GYPC: variants seen among roughly 807,000 people sequenced by gnomAD.
GYPC encodes glycophorin-C.
GYPC carries 14 observed loss-of-function variants against 12.6 expected under a neutral mutation model. The ratio of observed to expected loss-of-function variants is 1.11; its 90% confidence interval spans 0.74 to 1.74. GYPC has a LOEUF of 1.74. Among genes scored for constraint, GYPC ranks in the 40% most tolerant of loss-of-function variants. The pLI is 0.00. For missense variants in GYPC, 225 were observed against 172.1 expected (o/e 1.31, Z -1.72); for synonymous variants, 78 against 62.1 (o/e 1.26, Z -1.20).
At chr2:126,656,971 G>A (rs988170033) in intron 1 of GYPC, among the ~76,000 whole-genome samples, 1 of 152,162 alleles carries the variant, frequency 6.6e-6, no homozygotes, top group African/African-American at 2.4e-5. Flanking sequence ...TTCCTCTGCC[G>A]TTGGACTTTT....
chr2:126,687,691 A>G (rs1683330177), intron 1 of GYPC, among the ~76,000 whole-genome samples: 1 of 152,230 alleles, frequency 6.6e-6, no homozygotes, highest in Non-Finnish European at 1.5e-5. Context: ...AGAGGGCATG[A>G]GCTTGGAGGG....
chr2:126,660,353 G>A (rs552437793), intron 1 of GYPC, among the ~76,000 whole-genome samples: 3 of 152,300 alleles, frequency 2.0e-5, no homozygotes, highest in East Asian at 1.9e-4. Flanking sequence ...GGTGGCCCTC[G>A]AGCCCTCCCT....
chr2:126,660,453 C>G (rs1180876522), intron 1 of GYPC, among the ~76,000 whole-genome samples: 1 of 152,238 alleles, frequency 6.6e-6, no homozygotes, highest in Non-Finnish European at 1.5e-5. Flanking sequence ...GCCTGGCACA[C>G]ACTCACCTGC....
intron 1 of GYPC, among the ~76,000 whole-genome samples, chr2:126,668,695 C>T (rs1322345024): frequency 6.6e-6 from 1 of 152,222 alleles, no homozygotes; most frequent in Non-Finnish European, 1.5e-5. Flanking sequence ...AATTCATCCG[C>T]AAGCAATTAC....
intron 1 of GYPC, among the ~76,000 whole-genome samples, chr2:126,668,203 T>G (rs1057234214): frequency 1.3e-5 from 2 of 152,224 alleles, no homozygotes; most frequent in Non-Finnish European, 2.9e-5. Context: ...GTTTTTGACT[T>G]TTTTTGCAGC....
At chr2:126,667,242 G>T (rs1682708616) in intron 1 of GYPC, among the ~76,000 whole-genome samples, 1 of 152,150 alleles carries the variant, frequency 6.6e-6, no homozygotes, top group Non-Finnish European at 1.5e-5. Flanking sequence ...TCAGCACTAA[G>T]TCTCCCATAC....
chr2:126,671,647 C>T (rs1682859502), intron 1 of GYPC, among the ~76,000 whole-genome samples: 1 of 152,258 alleles, frequency 6.6e-6, no homozygotes, highest in African/African-American at 2.4e-5. Context: ...CCCTAGCACA[C>T]ACGTGGCCTG....
intron 1 of GYPC, among the ~76,000 whole-genome samples, chr2:126,681,208 G>C (rs1683141310): frequency 6.6e-6 from 1 of 152,114 alleles, no homozygotes; most frequent in African/African-American, 2.4e-5. Flanking sequence ...TTGTTTTAAG[G>C]TTTTTGTGGA....
intron 1 of GYPC, chr2:126,686,129 C>T: frequency 1.0e-6 from 1 of 985,386 alleles, no homozygotes; most frequent in Non-Finnish European, 1.2e-6. Context: ...AACTTTTTAG[C>T]ACAGTGTCAT....
At chr2:126,686,596 G>C (rs1683297568) in intron 1 of GYPC, 2 of 979,846 alleles carry the variant, frequency 2.0e-6, no homozygotes, top group Admixed American at 6.1e-5. Flanking sequence ...CTAATGCTGA[G>C]TATAGAGTTG....
chr2:126,681,564 T>G (rs1221216445), intron 1 of GYPC, among the ~76,000 whole-genome samples: 1 of 152,148 alleles, frequency 6.6e-6, no homozygotes, highest in African/African-American at 2.4e-5. Flanking sequence ...TTGAAGGTAC[T>G]TGTTTCTAGG....
intron 1 of GYPC, 115 bp from the exon 2 acceptor site, chr2:126,690,140 T>G (rs1558891691): frequency 6.3e-6 from 5 of 798,936 alleles, no homozygotes; most frequent in South Asian, 1.4e-5. Flanking sequence ...TCTGTCCACT[T>G]GAACCCATTC....
At chr2:126,668,797 G>C (rs1341312750) in intron 1 of GYPC, among the ~76,000 whole-genome samples, 1 of 152,190 alleles carries the variant, frequency 6.6e-6, no homozygotes, top group African/African-American at 2.4e-5. Flanking sequence ...GAATTGAGAG[G>C]GGACAAAGGT....
chr2:126,666,246 G>A (rs796257703), intron 1 of GYPC, among the ~76,000 whole-genome samples: 22 of 152,276 alleles, frequency 1.4e-4, no homozygotes, highest in African/African-American at 5.3e-4. Context: ...CACTACAGGG[G>A]CACTGGGAGA....
At chr2:126,692,020 A>G (rs756400629) in intron 2 of GYPC, among the ~76,000 whole-genome samples, 10 of 152,158 alleles carry the variant, frequency 6.6e-5, no homozygotes, top group Non-Finnish European at 1.3e-4. Context: ...GCATTTACTC[A>G]TGCATTCAGT....
At chr2:126,670,845 C>A (rs757709405) in intron 1 of GYPC, among the ~76,000 whole-genome samples, 7 of 152,214 alleles carry the variant, frequency 4.6e-5, no homozygotes, top group Non-Finnish European at 1.0e-4. Flanking sequence ...TGGGGCCCAA[C>A]AGCACCTATC....
intron 1 of GYPC, among the ~76,000 whole-genome samples, chr2:126,682,425 G>A (rs1038737666): frequency 2.0e-5 from 3 of 152,160 alleles, no homozygotes; most frequent in Non-Finnish European, 2.9e-5. Flanking sequence ...ACCAGGCATG[G>A]GGGTAGACAG....
At chr2:126,665,993 C>G (rs1268415915) in intron 1 of GYPC, among the ~76,000 whole-genome samples, 2 of 152,206 alleles carry the variant, frequency 1.3e-5, no homozygotes, top group African/African-American at 4.8e-5. Context: ...TGCCCTTCTG[C>G]TCAGATCGTT....
chr2:126,666,792 T>C (rs964571383), intron 1 of GYPC, among the ~76,000 whole-genome samples: 11 of 146,984 alleles, frequency 7.5e-5, no homozygotes, highest in Non-Finnish European at 1.5e-4. Context: ...CACACATTTC[T>C]TCCTACACAC....
Sources: gnomAD v4.1 joint callset for allele counts (sites outside exome capture counted in the v4.1 genomes callset) on GRCh38, gnomAD v4.1.1 for gene constraint, MANE v1.5 for transcripts, NCBI Gene and HGNC (gene_info 2026-07-23, HGNC 2026-07-21) for gene names.